Variants in KAZN observed in about 807,000 individuals in gnomAD.
The protein encoded by KAZN is kazrin, periplakin interacting protein.
In KAZN, 40 loss-of-function variants were observed where a neutral mutation model predicts 87.4. The observed-to-expected ratio is 0.46, with a 90% confidence interval of 0.36 to 0.60. KAZN has a LOEUF of 0.60. Among genes scored for constraint, KAZN ranks in the 20% least tolerant of loss-of-function variants. The pLI is 0.00. For synonymous variants in KAZN, 466 were observed against 458.3 expected (o/e 1.02, Z -0.22); for missense variants, 898 against 1,073.9 (o/e 0.84, Z 2.29).
At chr1:13,982,494 T>G (rs992428820) in intron 1 of KAZN, among the ~76,000 whole-genome samples, 3 of 152,116 alleles carry the variant, frequency 2.0e-5, no homozygotes, top group African/African-American at 7.2e-5. Context: ...GTAGGAAGAT[T>G]TATTGCAAAG....
At chr1:14,183,584 G>C (rs769519484) in intron 2 of KAZN, among the ~76,000 whole-genome samples, 14 of 151,958 alleles carry the variant, frequency 9.2e-5, no homozygotes, top group African/African-American at 3.1e-4. Context: ...GATTAGATTC[G>C]TAACACCGAA....
chr1:14,605,845 A>T (rs986145293), intron 1 of KAZN, among the ~76,000 whole-genome samples: 2 of 152,228 alleles, frequency 1.3e-5, no homozygotes, highest in African/African-American at 4.8e-5. Flanking sequence ...GAGAAACTAA[A>T]TCACTTGTTT....
chr1:15,065,010 T>C (rs1337264031), intron 7 of KAZN, among the ~76,000 whole-genome samples: 1 of 150,332 alleles, frequency 6.7e-6, no homozygotes, highest in Non-Finnish European at 1.5e-5. Context: ...GACACCGTCC[T>C]TGGGGTCTTT....
intron 1 of KAZN, among the ~76,000 whole-genome samples, chr1:14,111,619 C>A (rs1426445098): frequency 7.4e-6 from 1 of 134,392 alleles, no homozygotes; most frequent in Admixed American, 7.3e-5. Flanking sequence ...TGTAAAAGAG[C>A]CTCTGATTCC....
chr1:14,761,184 T>C (rs1289695104), intron 1 of KAZN, among the ~76,000 whole-genome samples: 1 of 152,136 alleles, frequency 6.6e-6, no homozygotes, highest in Non-Finnish European at 1.5e-5. Flanking sequence ...GCAGGCTAGG[T>C]CTGTGCCTAC....
intron 2 of KAZN, among the ~76,000 whole-genome samples, chr1:14,477,745 C>T (rs940073860): frequency 6.6e-6 from 1 of 152,126 alleles, no homozygotes; most frequent in Non-Finnish European, 1.5e-5. Context: ...TGCAACCTGG[C>T]TTCCTGAGCA....
At chr1:14,425,674 C>T (rs59845658) in intron 2 of KAZN, among the ~76,000 whole-genome samples, 3,475 of 152,244 alleles carry the variant, frequency 0.023, 148 homozygotes, top group African/African-American at 0.078. Context: ...TCTGAAACTG[C>T]GGTCAGCTGG....
intron 2 of KAZN, among the ~76,000 whole-genome samples, chr1:15,017,501 A>T (rs1274131303): frequency 6.6e-6 from 1 of 151,828 alleles, no homozygotes; most frequent in Non-Finnish European, 1.5e-5. Flanking sequence ...TGTACGACTG[A>T]ATTTAAAGCC....
At chr1:15,047,140 C>T (rs1673642935) in intron 4 of KAZN, among the ~76,000 whole-genome samples, 1 of 152,236 alleles carries the variant, frequency 6.6e-6, no homozygotes, top group African/African-American at 2.4e-5. Flanking sequence ...TTCATGTTAA[C>T]AGCACATGCA....
intron 2 of KAZN, among the ~76,000 whole-genome samples, chr1:14,512,204 G>A (rs1571831943): frequency 6.6e-6 from 1 of 152,130 alleles, no homozygotes; most frequent in South Asian, 2.1e-4. Flanking sequence ...GTTTGTCCAG[G>A]ACATCTCCTG....
At chr1:14,138,806 C>G (rs1645167651) in intron 1 of KAZN, among the ~76,000 whole-genome samples, 1 of 152,192 alleles carries the variant, frequency 6.6e-6, no homozygotes, top group Non-Finnish European at 1.5e-5. Context: ...AATGAATGGG[C>G]AAGGCTGTGT....
chr1:13,960,761 TG>T (rs1051217351), intron 1 of KAZN, among the ~76,000 whole-genome samples: 16 of 152,164 alleles, frequency 1.1e-4, no homozygotes, highest in Non-Finnish European at 2.1e-4. Flanking sequence ...GGTCAGTGGC[TG>T]GGGGCTACTG....
At chr1:13,898,068 A>G (rs182340431) in intron 1 of KAZN, among the ~76,000 whole-genome samples, 1 of 152,298 alleles carries the variant, frequency 6.6e-6, no homozygotes, top group African/African-American at 2.4e-5. Context: ...GCTTAAGGCC[A>G]CACTCCCAGG....
chr1:14,158,359 C>CT (rs1257398310), intron 1 of KAZN, among the ~76,000 whole-genome samples: 1 of 151,894 alleles, frequency 6.6e-6, no homozygotes, highest in Non-Finnish European at 1.5e-5. Context: ...CTCCCTAATC[C>CT]TTTTTTCTGC....
chr1:14,226,664 A>G (rs1647319612), intron 2 of KAZN, among the ~76,000 whole-genome samples: 1 of 152,206 alleles, frequency 6.6e-6, no homozygotes, highest in Admixed American at 6.6e-5. Flanking sequence ...ATTCCCATCA[A>G]CAGTGGACTG....
chr1:14,145,460 A>G (rs1048279754), intron 1 of KAZN, among the ~76,000 whole-genome samples: 1 of 152,010 alleles, frequency 6.6e-6, no homozygotes, highest in Non-Finnish European at 1.5e-5. Context: ...AAAGACACAC[A>G]CACACACCCA....
chr1:14,194,451 G>A (rs1646485121), intron 2 of KAZN, among the ~76,000 whole-genome samples: 1 of 152,108 alleles, frequency 6.6e-6, no homozygotes. Flanking sequence ...TTGCTCTTTT[G>A]CATGAGGCTT....
At chr1:14,843,907 G>A (rs1390116311) in intron 1 of KAZN, among the ~76,000 whole-genome samples, 1 of 152,166 alleles carries the variant, frequency 6.6e-6, no homozygotes, top group Non-Finnish European at 1.5e-5. Flanking sequence ...CACTCGACTG[G>A]ACAAAGACAC....
chr1:14,772,841 T>A (rs1279637711), intron 1 of KAZN, among the ~76,000 whole-genome samples: 1 of 152,108 alleles, frequency 6.6e-6, no homozygotes, highest in Non-Finnish European at 1.5e-5. Context: ...GACCTTTCTC[T>A]ACCAAGAAAG....
Sources: allele counts gnomAD v4.1 joint callset (sites outside exome capture counted in the v4.1 genomes callset), GRCh38; gene constraint gnomAD v4.1.1; transcripts MANE v1.5; gene names NCBI Gene and HGNC (gene_info 2026-07-23, HGNC 2026-07-21).